The following FRMD5 variants were observed in gnomAD, a reference collection of about 807,000 sequenced individuals.
FRMD5 encodes the protein FERM domain-containing protein 5.
Under a neutral mutation model 69.0 loss-of-function variants are expected in FRMD5, and 20 were observed. The ratio of observed to expected loss-of-function variants is 0.29; its 90% CI spans 0.20 to 0.42. The LOEUF is 0.42. FRMD5 is among the 10% of genes least tolerant of loss of function. The probability of loss-of-function intolerance (pLI) is 1.00; values close to 1 mark genes in which losing one functional copy is unlikely to be tolerated. For synonymous variants in FRMD5, 271 were observed against 260.1 expected (o/e 1.04, Z -0.40); for missense variants, 595 against 708.6 (o/e 0.84, Z 1.82).
At chr15:43,978,527 A>C (rs2090499330) in intron 1 of FRMD5, among the ~76,000 whole-genome samples, 1 of 152,160 alleles carries the variant, frequency 6.6e-6, no homozygotes, top group South Asian at 2.1e-4. Flanking sequence ...TATAATGATT[A>C]AGACGTACAT....
chr15:43,987,587 C>T (rs1889456294), intron 1 of FRMD5, among the ~76,000 whole-genome samples: 1 of 152,130 alleles, frequency 6.6e-6, no homozygotes, highest in African/African-American at 2.4e-5. Flanking sequence ...CGGAGTCTTG[C>T]TCTGTCACCC....
chr15:44,158,122 T>C (rs930315367), intron 1 of FRMD5, among the ~76,000 whole-genome samples: 1 of 152,196 alleles, frequency 6.6e-6, no homozygotes, highest in Non-Finnish European at 1.5e-5. Context: ...GATCCATATA[T>C]CTAATTTTAA....
At chr15:43,879,003 T>C (rs2088448901) in intron 13 of FRMD5, among the ~76,000 whole-genome samples, 1 of 143,282 alleles carries the variant, frequency 7.0e-6, no homozygotes, top group African/African-American at 2.6e-5. Context: ...AATGGTGCAA[T>C]CTCGGCTCAC....
At chr15:43,923,885 G>C (rs1333808899) in intron 2 of FRMD5, among the ~76,000 whole-genome samples, 2 of 152,194 alleles carry the variant, frequency 1.3e-5, no homozygotes, top group African/African-American at 2.4e-5. Flanking sequence ...TTACTAGAAA[G>C]TGGGCAGGAG....
chr15:43,948,908 C>G (rs1351849669), intron 1 of FRMD5, among the ~76,000 whole-genome samples: 1 of 152,164 alleles, frequency 6.6e-6, no homozygotes, highest in Admixed American at 6.5e-5. Context: ...TGAAAATGAC[C>G]AAAATGTTCA....
chr15:43,912,755 C>T (rs764020899), intron 4 of FRMD5, among the ~76,000 whole-genome samples: 3 of 151,472 alleles, frequency 2.0e-5, no homozygotes, highest in East Asian at 2.0e-4. Context: ...CGGTGGCTCA[C>T]GCCTGTAATC....
chr15:44,105,396 G>C (rs1209952242), intron 1 of FRMD5, among the ~76,000 whole-genome samples: 1 of 152,064 alleles, frequency 6.6e-6, no homozygotes, highest in African/African-American at 2.4e-5. Context: ...TCAAAGGTGT[G>C]GAAGGCAAAA....
intron 1 of FRMD5, among the ~76,000 whole-genome samples, chr15:44,098,306 C>A (rs771474569): frequency 1.3e-5 from 2 of 152,030 alleles, no homozygotes; most frequent in Non-Finnish European, 2.9e-5. Context: ...GCGGGCAGAT[C>A]ACGAGGTCAA....
At chr15:44,171,180 C>T (rs573492115) in intron 1 of FRMD5, among the ~76,000 whole-genome samples, 1 of 152,212 alleles carries the variant, frequency 6.6e-6, no homozygotes, top group South Asian at 2.1e-4. Flanking sequence ...ACATTTTTTG[C>T]ATAATATCTG....
rs527701867 is a variant in FRMD5 at position 44,052,838 on chromosome 15, T to C, written c.103-128529A>G. Among the ~76,000 whole-genome samples, 61 of 152,276 alleles carry C rather than the reference T, an allele frequency of 4.0e-4. 1 individual carries two copies. The highest frequency in any genetic ancestry group is 1.4e-3 in the African/African-American group (60 of 41,550). On this transcript the variant is annotated intron_variant, in intron 1 of 13. Coordinates refer to ENST00000417257, the MANE Select transcript of FRMD5 (RefSeq NM_032892.5). ...ATTCATTTGTTCATTCATTCACAAA[T>C]GTATATTGAGGGTCTAGTATGTGCT...
chr15:43,987,022 T>C (rs1351185347), intron 1 of FRMD5, among the ~76,000 whole-genome samples: 2 of 152,210 alleles, frequency 1.3e-5, no homozygotes, highest in Non-Finnish European at 2.9e-5. Flanking sequence ...ACCACACACA[T>C]AGAAGACAGT....
chr15:44,064,567 C>T (rs115795239), intron 1 of FRMD5, among the ~76,000 whole-genome samples: 1,699 of 152,118 alleles, frequency 0.011, 22 homozygotes, highest in African/African-American at 0.038. Context: ...CCATCTTGGG[C>T]GACAAGAGTG....
At chr15:44,199,177 C>T (rs916470095), upstream of FRMD5, among the ~76,000 whole-genome samples, 13 of 152,102 alleles carry the variant, frequency 8.5e-5, no homozygotes, top group Non-Finnish European at 1.5e-5. Context: ...CAAACACAGG[C>T]CCTTCCCATC....
At chr15:43,991,192 T>C (rs1889659171) in intron 1 of FRMD5, among the ~76,000 whole-genome samples, 1 of 152,260 alleles carries the variant, frequency 6.6e-6, no homozygotes, top group Non-Finnish European at 1.5e-5. Flanking sequence ...TACCCGAAGC[T>C]GCCAATTATT....
intron 1 of FRMD5, among the ~76,000 whole-genome samples, chr15:44,051,563 T>A (rs1892668386): frequency 6.6e-6 from 1 of 152,080 alleles, no homozygotes; most frequent in South Asian, 2.1e-4. Context: ...ATTATTATTT[T>A]AAAATAAAAT....
At chr15:44,039,049 A>C (rs1892064255) in intron 1 of FRMD5, among the ~76,000 whole-genome samples, 1 of 152,198 alleles carries the variant, frequency 6.6e-6, no homozygotes, top group African/African-American at 2.4e-5. Context: ...TTTTGCCCTC[A>C]CAGTGTAAAC....
chr15:44,090,724 G>C (rs1213251897), intron 1 of FRMD5, among the ~76,000 whole-genome samples: 1 of 152,170 alleles, frequency 6.6e-6, no homozygotes, highest in African/African-American at 2.4e-5. Context: ...ATAGGCGTGA[G>C]CCACTGTGCC....
intron 7 of FRMD5, among the ~76,000 whole-genome samples, chr15:43,901,722 A>C (rs1239552537): frequency 2.6e-5 from 4 of 152,166 alleles, no homozygotes; most frequent in Non-Finnish European, 5.9e-5. Flanking sequence ...TATCCCTCAC[A>C]GGCGCATAAT....
At chr15:44,055,381 T>C (rs141430524) in intron 1 of FRMD5, among the ~76,000 whole-genome samples, 6 of 152,284 alleles carry the variant, frequency 3.9e-5, no homozygotes, top group African/African-American at 1.4e-4. Context: ...TGAGTTTAGA[T>C]AGTAGTCTAT....
Sources: gnomAD v4.1 joint callset for allele counts (sites outside exome capture counted in the v4.1 genomes callset) on GRCh38, gnomAD v4.1.1 for gene constraint, MANE v1.5 for transcripts, NCBI Gene and HGNC (gene_info 2026-07-23, HGNC 2026-07-21) for gene names.